Variants in PPP2R2D observed in about 807,000 individuals in gnomAD.
PPP2R2D encodes serine/threonine-protein phosphatase 2A 55 kDa regulatory subunit B delta isoform.
Under a neutral mutation model 31.1 loss-of-function variants are expected in PPP2R2D, and 9 were observed. The observed-to-expected ratio is 0.29, with a 90% CI of 0.17 to 0.51. The LOEUF is 0.51. PPP2R2D is among the 20% of genes least tolerant of loss of function. The pLI, the probability that PPP2R2D is intolerant of heterozygous loss-of-function variation, is 0.98. For missense variants in PPP2R2D, 391 were observed against 465.6 expected (o/e 0.84, Z 1.48); for synonymous variants, 179 against 172.6 (o/e 1.04, Z -0.29).
intron 2 of PPP2R2D, among the ~76,000 whole-genome samples, chr10:131,901,948 C>T (rs1209015323): frequency 3.3e-5 from 5 of 152,156 alleles, no homozygotes; most frequent in East Asian, 1.9e-4. Flanking sequence ...GTCTCTATTC[C>T]AGATTTTAGT....
At chr10:131,930,956 A>T (rs1324672898) in intron 2 of PPP2R2D, among the ~76,000 whole-genome samples, 1 of 151,898 alleles carries the variant, frequency 6.6e-6, no homozygotes, top group Non-Finnish European at 1.5e-5. Context: ...TGCCCTTTGG[A>T]TTTCACATGG....
chr10:131,934,776 G>A (rs1414955919), intron 3 of PPP2R2D: 2 of 580,536 alleles, frequency 3.4e-6, no homozygotes, highest in Non-Finnish European at 6.5e-6. Flanking sequence ...GAGTAGGGAG[G>A]AGATTCCGCT....
intron 2 of PPP2R2D, 59 bp downstream of exon 2, chr10:131,901,389 C>T: frequency 2.9e-6 from 1 of 345,804 alleles, no homozygotes; most frequent in South Asian, 1.3e-4. Context: ...AGCCCGGCCG[C>T]GCGCGGCCTC....
chr10:131,963,899 C>T (rs1328778517), downstream of PPP2R2D, among the ~76,000 whole-genome samples: 3 of 152,154 alleles, frequency 2.0e-5, no homozygotes, highest in Admixed American at 1.3e-4. Flanking sequence ...CTGCACCTGC[C>T]TTGGCACCTG....
At chr10:131,971,175 G>A in the PPP2R2D span, 1,054 of 576,004 alleles carry the variant, frequency 1.8e-3, 5 homozygotes, top group African/African-American at 0.012. Context: ...CAGCACGCTC[G>A]CCGCCTCCAG....
chr10:131,924,867 T>A (rs1290714491), intron 2 of PPP2R2D, among the ~76,000 whole-genome samples: 3 of 152,222 alleles, frequency 2.0e-5, no homozygotes, highest in Non-Finnish European at 4.4e-5. Context: ...TGTACAAATC[T>A]TGTCATTCTT....
Position 131,958,633 on chromosome 10 carries a change from G to A in PPP2R2D, c.*2670G>A, listed in dbSNP as rs1002528344. 4 of 248,446 alleles carry A rather than the reference G, an allele frequency of 1.6e-5. No homozygotes were observed. The highest frequency in any genetic ancestry group is 3.9e-5 in the South Asian group (1 of 25,350). The allele number at this position is 248,446 out of a possible 1,614,324, so 15.4% of individuals were successfully genotyped here. A position where few individuals can be genotyped will look rare whatever the true frequency, so the allele number is the denominator to read the frequency against. Reference sequence around the variant, plus strand: ...CTCTTGTCCCCCTGTGGAGATGGAGGTGTGTGCTGATCCCCCATCCCCCTG... The same window carrying A: ...CTCTTGTCCCCCTGTGGAGATGGAGATGTGTGCTGATCCCCCATCCCCCTG... On this transcript the variant is annotated 3_prime_UTR_variant, in exon 9 of 9. Transcript: ENST00000455566.
chr10:131,939,542 C>A (rs1204719854), intron 3 of PPP2R2D, among the ~76,000 whole-genome samples: 1 of 133,912 alleles, frequency 7.5e-6, no homozygotes, highest in Non-Finnish European at 1.6e-5. Context: ...GGCAGACCTG[C>A]TCCAGAAAAT....
At chr10:131,934,813 G>T in intron 3 of PPP2R2D, 1 of 536,940 alleles carries the variant, frequency 1.9e-6, no homozygotes, top group South Asian at 1.5e-5. Context: ...ATGCAGGGTG[G>T]TGGTGAGGTG....
At chr10:131,919,258 C>T (rs1296065438) in intron 2 of PPP2R2D, among the ~76,000 whole-genome samples, 1 of 100,614 alleles carries the variant, frequency 9.9e-6, no homozygotes, top group Non-Finnish European at 2.0e-5. Flanking sequence ...GTGTAGGGAC[C>T]TCACGTGGGT....
chr10:131,955,483 T>C (rs1260779663), intron 8 of PPP2R2D, among the ~76,000 whole-genome samples: 3 of 152,224 alleles, frequency 2.0e-5, no homozygotes, highest in Non-Finnish European at 4.4e-5. Flanking sequence ...GGATTCTTAC[T>C]GACATGATTA....
chr10:131,937,970 AGG>A (rs2119821601), intron 3 of PPP2R2D, among the ~76,000 whole-genome samples: 1 of 146,970 alleles, frequency 6.8e-6, no homozygotes, highest in Non-Finnish European at 1.5e-5. Flanking sequence ...GAAGGAATGC[AGG>A]AATGCCCTGC....
intron 2 of PPP2R2D, 33 bp downstream of exon 2, chr10:131,901,363 C>G: frequency 2.8e-6 from 1 of 353,778 alleles, no homozygotes; most frequent in Non-Finnish European, 5.1e-6. Context: ...CCCCGGGACC[C>G]TCGCGGACAG....
chr10:131,967,138 G>C, the PPP2R2D span: 2 of 152,150 alleles, frequency 1.3e-5, no homozygotes, highest in Admixed American at 1.3e-4. Context: ...ACCTCCCAAA[G>C]TGCTGGGATT....
At position 131,935,305 on chromosome 10, in the gene PPP2R2D, C is replaced by T. The variant is rs1393940686; in HGVS notation, c.198+750C>T. ...AAGCCTGGGGTCTGAAATATTTGTCCTGCCTTTTCCTTATAAATACAGTCC... is the reference window on the plus strand; with the variant it reads ...AAGCCTGGGGTCTGAAATATTTGTCTTGCCTTTTCCTTATAAATACAGTCC... On this transcript the variant is annotated intron_variant, in intron 3 of 8. Coordinates refer to ENST00000455566, the MANE Select transcript of PPP2R2D (RefSeq NM_018461.5). Among the ~76,000 whole-genome samples the T allele has an allele frequency of 2.6e-5, 4 of 152,250 alleles. No homozygotes were observed. The East Asian group carries it at 5.8e-4, about 22-fold the overall frequency.
intron 3 of PPP2R2D, among the ~76,000 whole-genome samples, chr10:131,935,752 A>G (rs782150739): frequency 1.3e-5 from 2 of 152,212 alleles, no homozygotes; most frequent in African/African-American, 2.4e-5. Context: ...GTAGAATATC[A>G]CACAATGCTA....
At chr10:131,962,034 G>A (rs2036927240), downstream of PPP2R2D, among the ~76,000 whole-genome samples, 3 of 152,230 alleles carry the variant, frequency 2.0e-5, no homozygotes, top group Admixed American at 6.5e-5. Context: ...GCCCTCCGGG[G>A]AGCACCGGTG....
intron 2 of PPP2R2D, among the ~76,000 whole-genome samples, chr10:131,905,610 G>A (rs1392758886): frequency 6.6e-6 from 1 of 152,138 alleles, no homozygotes; most frequent in East Asian, 1.9e-4. Context: ...GAGATTGCTC[G>A]CAGTGCTTTT....
In PPP2R2D at chr10:131,958,487, G is replaced by T. The variant is rs1445258096; in HGVS notation, c.*2524G>T. On this transcript the variant is annotated 3_prime_UTR_variant, in exon 9 of 9. Transcript: ENST00000455566. ...CCCATCCCCCTGTGGAGATGAAGGGGTATGCTGATCCCCCGTCCCCCTGTG... is the reference window on the plus strand; with the variant it reads ...CCCATCCCCCTGTGGAGATGAAGGGTTATGCTGATCCCCCGTCCCCCTGTG... The T allele has an allele frequency of 5.1e-6, 1 of 195,042 alleles. No individual in the cohort carries two copies. Among genetic ancestry groups the T allele is most frequent in the African/African-American group, 2.7e-5 (1 of 37,652 alleles). 12.1% of individuals were successfully genotyped at this position (195,042 alleles called of 1,614,324 possible).
Sources: gnomAD v4.1 joint callset for allele counts (sites outside exome capture counted in the v4.1 genomes callset) on GRCh38, gnomAD v4.1.1 for gene constraint, MANE v1.5 for transcripts, NCBI Gene and HGNC (gene_info 2026-07-23, HGNC 2026-07-21) for gene names.